The following ANXA13 variants were observed in gnomAD, a reference collection of about 807,000 sequenced individuals.
ANXA13 encodes annexin XIII.
A neutral mutation model predicts 46.6 loss-of-function variants in ANXA13; 36 were observed. The ratio of observed to expected loss-of-function variants is 0.77; its 90% CI spans 0.59 to 1.02. ANXA13 has a LOEUF of 1.02. Ranked by LOEUF, ANXA13 falls within the 50% of genes least tolerant of loss-of-function variation. ANXA13 has a pLI of 0.00. For missense variants in ANXA13, 417 were observed against 396.5 expected (o/e 1.05, Z -0.44); for synonymous variants, 163 against 152.9 (o/e 1.07, Z -0.49).
chr8:123,703,472 C>T (rs1813484482), intron 2 of ANXA13, among the ~76,000 whole-genome samples: 2 of 152,128 alleles, frequency 1.3e-5, no homozygotes, highest in Admixed American at 6.5e-5. Flanking sequence ...TTGAATTGAA[C>T]ACTTTAAATG....
chr8:123,686,545 A>G lies in ANXA13; in HGVS notation c.719-1823T>C, dbSNP rs1320121244. Among the ~76,000 whole-genome samples, 3 of 152,218 alleles carry G rather than the reference A, an allele frequency of 2.0e-5. No homozygotes were observed. In the East Asian group the frequency reaches 5.8e-4, roughly 29 times the overall value. On this transcript the variant is annotated intron_variant, in intron 9 of 10. Coordinates refer to ENST00000419625, the MANE Select transcript of ANXA13 (RefSeq NM_004306.4). ...AAAGGCAGCCAGCCCGGTGCTCTATATCTTGCTCCCCTTTGCCTTCAGAGT... is the reference window on the plus strand; with the variant it reads ...AAAGGCAGCCAGCCCGGTGCTCTATGTCTTGCTCCCCTTTGCCTTCAGAGT...
intron 3 of ANXA13, among the ~76,000 whole-genome samples, chr8:123,699,827 T>C (rs1322794985): frequency 6.6e-6 from 1 of 152,164 alleles, no homozygotes; most frequent in East Asian, 1.9e-4. Flanking sequence ...GTACTTAATC[T>C]CACCAACTGT....
chr8:123,718,617 G>T (rs1813802650), intron 1 of ANXA13, among the ~76,000 whole-genome samples: 2 of 152,224 alleles, frequency 1.3e-5, no homozygotes. Flanking sequence ...CAGCACTGGT[G>T]CTGGGGGGAC....
rs940757374 is a variant in ANXA13, at chr8:123,681,050, C to T, written c.*190G>A. On this transcript the variant is annotated 3_prime_UTR_variant, in exon 11 of 11. Coordinates refer to ENST00000419625, the MANE Select transcript of ANXA13 (RefSeq NM_004306.4). The stretch of plus-strand genomic sequence containing the variant: ...CTTGCTAAGCCAGAGTTCAAGGTGC[C>T]CTGCCCACGCATCTTAACGTTACTG... The T allele has an allele frequency of 3.1e-6, 2 of 643,602 alleles. No homozygotes were observed. The highest frequency in any genetic ancestry group is 2.8e-5 in the Admixed American group (1 of 35,378). The allele number at this position is 643,602 out of a possible 1,614,324, so 39.9% of individuals were successfully genotyped here. A position where few individuals can be genotyped will look rare whatever the true frequency, so the allele number is the denominator to read the frequency against.
intron 1 of ANXA13, chr8:123,735,618 C>G: frequency 8.8e-7 from 1 of 1,141,192 alleles, no homozygotes; most frequent in Non-Finnish European, 1.2e-6. Context: ...GGAAAGATTT[C>G]CCTGCTTGGA....
intron 7 of ANXA13, 51 bp from the exon 8 acceptor site, chr8:123,693,349 A>G (rs1813275649): frequency 6.6e-7 from 1 of 1,524,144 alleles, no homozygotes; most frequent in Non-Finnish European, 9.1e-7. Context: ...GAAAAGACTG[A>G]TTATGCAGTG....
chr8:123,722,816 C>T (rs187574797), intron 1 of ANXA13, among the ~76,000 whole-genome samples: 2 of 152,236 alleles, frequency 1.3e-5, no homozygotes, highest in Non-Finnish European at 2.9e-5. Context: ...GAGGAAGTGG[C>T]CCTTCTGCCC....
At chr8:123,710,016 C>T (rs780231879) in intron 2 of ANXA13, among the ~76,000 whole-genome samples, 12 of 152,152 alleles carry the variant, frequency 7.9e-5, no homozygotes, top group Non-Finnish European at 1.6e-4. Flanking sequence ...GCCTTGGCCT[C>T]CCAAAGTGCT....
intron 3 of ANXA13, among the ~76,000 whole-genome samples, chr8:123,699,335 A>G (rs773271357): frequency 3.9e-5 from 6 of 152,110 alleles, no homozygotes; most frequent in Admixed American, 1.3e-4. Context: ...ACACACTGCC[A>G]TGCTCGGCTA....
In ANXA13 at chr8:123,712,710, G is replaced by C; in HGVS notation, c.59C>G (p.Ala20Gly). 1 of 1,614,106 alleles carries C rather than the reference G, an allele frequency of 6.2e-7. No homozygotes were observed. Among genetic ancestry groups the C allele is most frequent in the Non-Finnish European group, 8.5e-7 (1 of 1,180,016 alleles). ...SPQGFDVDRD[A>G]KKLNKACKGM... ...TTTGCAGGCTTTGTTCAGCTTTTTG[G>C]CATCTCGATCCACATCAAAACCCTG... Residue 20 changes from alanine to glycine, a missense_variant, in exon 2 of 11, where the codon GCC becomes GGC. Coordinates refer to ENST00000419625, the MANE Select transcript of ANXA13 (RefSeq NM_004306.4).
intron 10 of ANXA13, among the ~76,000 whole-genome samples, chr8:123,683,409 C>G (rs1463758713): frequency 6.7e-6 from 1 of 148,436 alleles, no homozygotes; most frequent in Non-Finnish European, 1.5e-5. Flanking sequence ...CTTCACCTCC[C>G]CCTTCATTTA....
rs7010432 is a variant in ANXA13, at chr8:123,690,530, T to C, written c.643-1584A>G. Among the ~76,000 whole-genome samples, 2,694 of 152,330 alleles carry C rather than the reference T, an allele frequency of 0.018. 78 individuals carry two copies. The highest frequency in any genetic ancestry group is 0.061 in the African/African-American group (2,532 of 41,558). On this transcript the variant is annotated intron_variant, in intron 8 of 10. Transcript: ENST00000419625. The surrounding 1 kb of genome is among the most constrained non-coding windows in gnomAD (Gnocchi z 4.6). ...TACTCCTGGTAGCTGCTGAGGCGTC[T>C]CCGTGGGACACAATCTGAAACAATG...
At chr8:123,732,091 T>C (rs772828792) in intron 1 of ANXA13, among the ~76,000 whole-genome samples, 11 of 152,170 alleles carry the variant, frequency 7.2e-5, no homozygotes, top group Non-Finnish European at 1.5e-4. Context: ...AATCTTCTAT[T>C]TGGCGTAAAA....
In ANXA13 at chr8:123,695,499, T is replaced by G; in HGVS notation, c.471+3A>C. The G allele has an allele frequency of 6.2e-7, 1 of 1,612,552 alleles. No homozygotes were observed. Among genetic ancestry groups the G allele is most frequent in the Non-Finnish European group, 8.5e-7 (1 of 1,178,636 alleles). ...AAAACAGGTGACACCTCTTTCCTCT[T>G]ACCTGCAGCAGAGACACCAGGATTT... is the stretch of plus-strand genomic sequence containing the variant. On this transcript the variant is annotated splice_donor_region_variant and intron_variant, in intron 6 of 10. Transcript: ENST00000419625.
chr8:123,691,872 A>G (rs1291897571), intron 8 of ANXA13, among the ~76,000 whole-genome samples: 1 of 152,154 alleles, frequency 6.6e-6, no homozygotes, highest in Non-Finnish European at 1.5e-5. Flanking sequence ...ACTTTCAGGT[A>G]GTCAGTTCAT....
chr8:123,700,730 T>C (rs1813430931), intron 3 of ANXA13, among the ~76,000 whole-genome samples: 1 of 152,042 alleles, frequency 6.6e-6, no homozygotes, highest in African/African-American at 2.4e-5. Flanking sequence ...CTCTCTTTCT[T>C]TCTCTCTCTC....
chr8:123,721,864 G>T, intron 1 of ANXA13, among the ~76,000 whole-genome samples: 1 of 152,234 alleles, frequency 6.6e-6, no homozygotes, highest in African/African-American at 2.4e-5. Flanking sequence ...CTCCTATTTT[G>T]CAGATGAGAA....
chr8:123,723,626 G>A (rs1023911895), intron 1 of ANXA13, among the ~76,000 whole-genome samples: 28 of 152,190 alleles, frequency 1.8e-4, no homozygotes, highest in African/African-American at 2.4e-4. Flanking sequence ...TTTACACCAC[G>A]GAAATTGGCA....
rs1425963983 is a variant in ANXA13, at chr8:123,681,073, C to T, written c.*167G>A. On this transcript the variant is annotated 3_prime_UTR_variant, in exon 11 of 11. Transcript: ENST00000419625. ...GCCCTGCCCACGCATCTTAACGTTA[C>T]TGCCCTTAACTTACACAGCTTGGCC... 3 of 878,766 alleles carry T rather than the reference C, an allele frequency of 3.4e-6. No homozygotes were observed. The highest frequency in any genetic ancestry group is 5.0e-6 in the Non-Finnish European group (3 of 603,350). The allele number at this position is 878,766 out of a possible 1,614,324, so 54.4% of individuals were successfully genotyped here. A position where few individuals can be genotyped will look rare whatever the true frequency, so the allele number is the denominator to read the frequency against.
Sources: allele counts gnomAD v4.1 joint callset (sites outside exome capture counted in the v4.1 genomes callset), GRCh38; gene constraint gnomAD v4.1.1; non-coding constraint Gnocchi (gnomAD v3.1); transcripts MANE v1.5; gene names NCBI Gene and HGNC (gene_info 2026-07-23, HGNC 2026-07-21).